The following SMARCA5 variants were observed in gnomAD, a reference collection of about 807,000 sequenced individuals.
SMARCA5 encodes SWI/SNF-related matrix-associated actin-dependent regulator of chromatin subfamily A member 5.
SMARCA5 carries 18 observed loss-of-function variants against 140.4 expected under a neutral mutation model. The observed-to-expected ratio is 0.13, with a 90% CI of 0.09 to 0.19. The LOEUF is 0.19. Ranked by LOEUF, SMARCA5 falls within the 10% of genes least tolerant of loss-of-function variation. SMARCA5 has a pLI of 1.00. For synonymous variants in SMARCA5, 449 were observed against 419.6 expected, an observed-to-expected ratio of 1.07 and a Z score of -0.86; for missense variants, 606 against 1,276.8, an observed-to-expected ratio of 0.47 and a Z score of 8.01.
In SMARCA5 at chr4:143,538,557, C is replaced by T. The variant is rs559454072; in HGVS notation, c.1496-33C>T. 8.2e-6 allele frequency: 13 copies of T among 1,587,494 alleles called. No homozygotes were observed. In the African/African-American group the frequency reaches 1.4e-4, roughly 16 times the overall value. On this transcript the variant is annotated intron_variant, in intron 11 of 23. Coordinates refer to ENST00000283131, the MANE Select transcript of SMARCA5 (RefSeq NM_003601.4). ...CCCTTAAATTTTTCTACTTTTGAAG[C>T]CACTGATAATAGATTGTTATATTCC...
chr4:143,548,151 A>C lies in SMARCA5; in HGVS notation c.2985+11A>C, dbSNP rs773378522. 6.4e-7 allele frequency: 1 copy of C among 1,553,188 alleles called. No individual in the cohort carries two copies. The highest frequency in any genetic ancestry group is 1.4e-5 in the African/African-American group (1 of 73,300). On this transcript the variant is annotated intron_variant, in intron 22 of 23. Coordinates refer to ENST00000283131, the MANE Select transcript of SMARCA5 (RefSeq NM_003601.4). ...TCCAGAACTGCAATGGTGAGTGCTC[A>C]GGGCTTTTTTGTGTAATGTAGCAGA...
At chr4:143,515,181 A>T (rs142143852) in intron 1 of SMARCA5, among the ~76,000 whole-genome samples, 2,552 of 152,318 alleles carry the variant, frequency 0.017, 40 homozygotes, top group Non-Finnish European at 0.026. Flanking sequence ...ATACAGTAAG[A>T]AAATGGTAGC....
intron 1 of SMARCA5, among the ~76,000 whole-genome samples, chr4:143,515,435 A>G (rs1170509905): frequency 6.6e-6 from 1 of 152,006 alleles, no homozygotes. Flanking sequence ...GGGCTCTTTA[A>G]CTTGGATTTC....
chr4:143,547,475 T>A lies in SMARCA5; in HGVS notation c.2744T>A (p.Ile915Lys), dbSNP rs1266229653. The change falls in exon 21 of 24, where the codon ATA becomes AAA. Residue 915 changes from isoleucine (I) to lysine (K), a missense_variant. This residue lies in a region of SMARCA5 where 121 missense variants were observed against 227.1 expected (regional missense o/e 0.53). Coordinates refer to ENST00000283131, the MANE Select transcript of SMARCA5 (RefSeq NM_003601.4). Reference protein sequence around the residue: ...ERGEARIQRRISIKKALDTKI... With the variant: ...ERGEARIQRRKSIKKALDTKI... ...GGAGAGGCGAGAATTCAAAGAAGAA[T>A]AAGCATCAAGAAAGCACTTGACACA... 6.2e-7 allele frequency: 1 copy of A among 1,603,194 alleles called. No homozygotes were observed.
Position 143,555,361 on chromosome 4 carries a change from A to G in SMARCA5, c.*2177A>G. 1 of 708,070 alleles carries G rather than the reference A, an allele frequency of 1.4e-6. No individual in the cohort carries two copies. Among genetic ancestry groups the G allele is most frequent in the South Asian group, 1.4e-5 (1 of 73,586 alleles). The allele number at this position is 708,070 out of a possible 1,614,324, so 43.9% of individuals were successfully genotyped here. A position where few individuals can be genotyped will look rare whatever the true frequency, so the allele number is the denominator to read the frequency against. ...TATTATAGCAATCCCCACTGCCACC[A>G]TATCCATCACCACCACCATGGCTGC... On this transcript the variant is annotated 3_prime_UTR_variant, in exon 24 of 24. Coordinates refer to ENST00000283131, the MANE Select transcript of SMARCA5 (RefSeq NM_003601.4).
chr4:143,545,263 T>C (rs1244844927), intron 17 of SMARCA5, among the ~76,000 whole-genome samples: 4 of 152,176 alleles, frequency 2.6e-5, no homozygotes, highest in African/African-American at 9.7e-5. Flanking sequence ...TTCTTTAGAG[T>C]GTACTCTCTT....
At chr4:143,545,608 G>C (rs768172315) in intron 18 of SMARCA5, 25 bp downstream of exon 18, 2 of 1,296,612 alleles carry the variant, frequency 1.5e-6, no homozygotes, top group South Asian at 1.2e-5. Flanking sequence ...CTGCCTTTCT[G>C]TTCATTCCTA....
At chr4:143,519,494 G>A (rs1030828733) in intron 2 of SMARCA5, among the ~76,000 whole-genome samples, 3 of 152,054 alleles carry the variant, frequency 2.0e-5, no homozygotes, top group Admixed American at 6.5e-5. Flanking sequence ...GTGAAATGGA[G>A]GTTTTTCAGT....
At chr4:143,527,723 G>T in intron 6 of SMARCA5, 145 bp from the exon 7 acceptor site, 2 of 583,458 alleles carry the variant, frequency 3.4e-6, no homozygotes, top group Middle Eastern at 4.7e-4. Flanking sequence ...AGGAAAGCTG[G>T]TTCTAAACGT....
chr4:143,542,548 C>G (rs998955940), intron 14 of SMARCA5, among the ~76,000 whole-genome samples: 2 of 152,092 alleles, frequency 1.3e-5, no homozygotes, highest in Non-Finnish European at 2.9e-5. Context: ...GGCTGTATAT[C>G]CTATTATGGG....
At chr4:143,526,813 G>T (rs940576235) in intron 6 of SMARCA5, among the ~76,000 whole-genome samples, 3 of 151,708 alleles carry the variant, frequency 2.0e-5, no homozygotes, top group Non-Finnish European at 4.4e-5. Context: ...GCAGTGAGCC[G>T]AGATGGCGCC....
intron 4 of SMARCA5, 149 bp downstream of exon 4, chr4:143,524,616 A>G: frequency 3.4e-6 from 2 of 591,258 alleles, no homozygotes; most frequent in East Asian, 2.8e-5. Context: ...TCAGATTTTG[A>G]TGGAGATGAG....
At chr4:143,528,545 A>G (rs1241357339) in intron 7 of SMARCA5, 38 bp from the exon 8 acceptor site, 1 of 1,583,428 alleles carries the variant, frequency 6.3e-7, no homozygotes, top group Non-Finnish European at 8.6e-7. Flanking sequence ...TGCAATATGC[A>G]GAATATTCTA....
chr4:143,525,339 A>G, intron 4 of SMARCA5, 112 bp from the exon 5 acceptor site: 1 of 711,202 alleles, frequency 1.4e-6, no homozygotes, highest in Non-Finnish European at 2.5e-6. Context: ...TTCCTATTCA[A>G]GAATCCGTTA....
At chr4:143,520,068 A>G (rs900716685) in intron 2 of SMARCA5, among the ~76,000 whole-genome samples, 5 of 152,108 alleles carry the variant, frequency 3.3e-5, no homozygotes, top group Non-Finnish European at 7.4e-5. Flanking sequence ...GTTCCTAATC[A>G]TACTCTCTTG....
chr4:143,555,337 A>G lies in SMARCA5; in HGVS notation c.*2153A>G, dbSNP rs1426537519. On this transcript the variant is annotated 3_prime_UTR_variant, in exon 24 of 24. Coordinates refer to ENST00000283131, the MANE Select transcript of SMARCA5 (RefSeq NM_003601.4). ...AATTGCTTCAATCATTACCAAATCT[A>G]TTATAGCAATCCCCACTGCCACCAT... is the stretch of plus-strand genomic sequence containing the variant. 2.7e-6 allele frequency: 2 copies of G among 729,928 alleles called. No individual in the cohort carries two copies. The highest frequency in any genetic ancestry group is 3.4e-5 in the African/African-American group (2 of 58,258). 45.2% of individuals were successfully genotyped at this position (729,928 alleles called of 1,614,324 possible). A position where few individuals can be genotyped will look rare whatever the true frequency, so the allele number is the denominator to read the frequency against.
rs748722609 is a variant in SMARCA5, at chr4:143,546,124, A to G, written c.2520+77A>G. The G allele has an allele frequency of 1.8e-4, 203 of 1,107,736 alleles. No homozygotes were observed. The Middle Eastern group carries it at 2.3e-3, about 13-fold the overall frequency. 68.6% of individuals were successfully genotyped at this position (1,107,736 alleles called of 1,614,324 possible). On this transcript the variant is annotated intron_variant, in intron 19 of 23. Transcript: ENST00000283131. Reference sequence around the variant, plus strand: ...GTGTTAGGTTATGTTGGGGCATAAAAATAAATACAAGTTTCTGCTTTTAAA... The same window carrying G: ...GTGTTAGGTTATGTTGGGGCATAAAGATAAATACAAGTTTCTGCTTTTAAA...
Position 143,513,750 on chromosome 4 carries a change from G to C in SMARCA5, c.-175G>C, listed in dbSNP as rs543902789. The C allele has an allele frequency of 4.5e-6, 3 of 667,702 alleles. No homozygotes were observed. The highest frequency in any genetic ancestry group is 3.8e-5 in the South Asian group (2 of 53,074). 41.4% of individuals were successfully genotyped at this position (667,702 alleles called of 1,614,324 possible). On this transcript the variant is annotated 5_prime_UTR_variant, in exon 1 of 24. Coordinates refer to ENST00000283131, the MANE Select transcript of SMARCA5 (RefSeq NM_003601.4). ...GGAAGAGCAGAACGTTTGGGAGTGT[G>C]CAGCTCCTGGGCCCGGCTCAGGCCC...
In SMARCA5 at chr4:143,554,911, G is replaced by A. The variant is rs1169228882; in HGVS notation, c.*1727G>A. ...TATAGTGGTAGCCCTGAGAGCTTAG[G>A]GACTCAAATGGAAACTGTGTGAAGG... On this transcript the variant is annotated 3_prime_UTR_variant, in exon 24 of 24. Coordinates refer to ENST00000283131, the MANE Select transcript of SMARCA5 (RefSeq NM_003601.4). 5 of 333,864 alleles carry A rather than the reference G, an allele frequency of 1.5e-5. No homozygotes were observed. Among genetic ancestry groups the A allele is most frequent in the African/African-American group, 2.2e-5 (1 of 46,222 alleles). The allele number at this position is 333,864 out of a possible 1,614,324, so 20.7% of individuals were successfully genotyped here.
Sources: allele counts gnomAD v4.1 joint callset (sites outside exome capture counted in the v4.1 genomes callset), GRCh38; gene constraint gnomAD v4.1.1; regional missense constraint gnomAD v4.1.1; transcripts MANE v1.5; gene names NCBI Gene and HGNC (gene_info 2026-07-23, HGNC 2026-07-21).